Variants in UACA observed in about 807,000 individuals in gnomAD.
UACA encodes the protein uveal autoantigen with coiled-coil domains and ankyrin repeats, also known as nuclear membrane binding protein.
In UACA, 112 loss-of-function variants were observed where a neutral mutation model predicts 160.5. That is an observed-to-expected ratio of 0.70 (90% CI 0.60 to 0.82). UACA has a LOEUF of 0.82. UACA is among the 40% of genes least tolerant of loss of function. The pLI is 0.00. For missense variants in UACA, 1,574 were observed against 1,614.6 expected (o/e 0.97, Z 0.43); for synonymous variants, 557 against 568.4 (o/e 0.98, Z 0.29).
At chr15:70,775,098 A>G in the UACA span, among the ~76,000 whole-genome samples, 2 of 152,130 alleles carry the variant, frequency 1.3e-5, 1 homozygote, top group East Asian at 3.8e-4. Flanking sequence ...TTCAGACAGA[A>G]AGTCCCAACT....
Position 70,682,792 on chromosome 15 carries a change from C to CT in UACA, c.787dup (p.Arg263LysfsTer21). ...AGATGGCCCTTTCTTCCAAAGTTCT[C>CT]TCCCTAAGATTTAGAGAAAAAGAGA... On this transcript the variant is annotated frameshift_variant, in exon 9 of 19. Coordinates refer to ENST00000322954, the MANE Select transcript of UACA (RefSeq NM_018003.4). LOFTEE classifies it high-confidence loss of function. The CT allele has an allele frequency of 1.3e-6, 2 of 1,564,534 alleles. No individual in the cohort carries two copies. The highest frequency in any genetic ancestry group is 1.7e-6 in the Non-Finnish European group (2 of 1,157,360).
At chr15:70,766,629 T>A (rs1338019219), upstream of UACA, among the ~76,000 whole-genome samples, 1 of 152,184 alleles carries the variant, frequency 6.6e-6, no homozygotes, top group East Asian at 1.9e-4. Context: ...CTGGATTAGA[T>A]AACAAATGTG....
In UACA at chr15:70,664,800, A is replaced by C; in HGVS notation, c.3975T>G (p.Leu1325=). 6.2e-7 allele frequency: 1 copy of C among 1,612,210 alleles called. No individual in the cohort carries two copies. Among genetic ancestry groups the C allele is most frequent in the East Asian group, 2.2e-5 (1 of 44,826 alleles). Reference sequence around the variant, plus strand: ...CCTGTTTTAATCTTTCCACATCATTAAGCAGTTCAGTTATCTTTAAAAAAA... The same window carrying C: ...CCTGTTTTAATCTTTCCACATCATTCAGCAGTTCAGTTATCTTTAAAAAAA... ...EAKDNKITEL[L]NDVERLKQAL... Residue 1325 remains leucine, a synonymous_variant, in exon 17 of 19, where the codon CTT becomes CTG. Transcript: ENST00000322954.
chr15:70,673,556 T>C (rs1178888168), intron 13 of UACA, among the ~76,000 whole-genome samples: 1 of 152,180 alleles, frequency 6.6e-6, no homozygotes, highest in Non-Finnish European at 1.5e-5. Flanking sequence ...AACTACTAAA[T>C]GGCCTCATAC....
intron 17 of UACA, among the ~76,000 whole-genome samples, chr15:70,663,639 A>G (rs1294592385): frequency 1.3e-5 from 2 of 152,100 alleles, no homozygotes; most frequent in East Asian, 3.8e-4. Context: ...ACAATGATAG[A>G]CTGGATTAAG....
chr15:70,699,742 A>G (rs1471132839), intron 1 of UACA, 82 bp from the exon 2 acceptor site: 1 of 1,492,868 alleles, frequency 6.7e-7, no homozygotes, highest in East Asian at 2.3e-5. Context: ...GAGAGAAAGG[A>G]AAGCAGTACT....
chr15:70,697,170 A>C (rs1898159598), intron 2 of UACA, among the ~76,000 whole-genome samples: 1 of 152,260 alleles, frequency 6.6e-6, no homozygotes. Context: ...AAAGCTGCAA[A>C]AAATATGAGA....
intron 1 of UACA, among the ~76,000 whole-genome samples, chr15:70,706,716 T>A (rs958197377): frequency 2.0e-5 from 3 of 152,034 alleles, no homozygotes; most frequent in Non-Finnish European, 4.4e-5. Context: ...TCAAAAATAA[T>A]AAAATACTTA....
chr15:70,703,477 G>A (rs1376308782), intron 1 of UACA, among the ~76,000 whole-genome samples: 1 of 152,038 alleles, frequency 6.6e-6, no homozygotes, highest in Non-Finnish European at 1.5e-5. Context: ...AACAATGATT[G>A]TTTTTTCCCC....
Position 70,684,317 on chromosome 15 carries a change from G to A in UACA, c.732C>T (p.Asp244=). The A allele has an allele frequency of 6.2e-7, 1 of 1,613,696 alleles. No homozygotes were observed. The highest frequency in any genetic ancestry group is 1.3e-5 in the African/African-American group (1 of 75,024). ...TCAACAAGGTTAGAATGTCCAGATT[G>A]TCACCAATTCTTGCATAGTAAGAAC... ...HDSSYYARIG[D]NLDILTLLKT... The change falls in exon 8 of 19, where the codon GAC becomes GAT. Residue 244 remains aspartate (D), a synonymous_variant. Coordinates refer to ENST00000322954, the MANE Select transcript of UACA (RefSeq NM_018003.4).
chr15:70,678,063 A>C (rs760858522), intron 11 of UACA, 36 bp downstream of exon 11: 2 of 1,437,448 alleles, frequency 1.4e-6, no homozygotes, highest in Non-Finnish European at 9.5e-7. Flanking sequence ...TGATATAGTA[A>C]GACAGTTTAT....
At chr15:70,739,260 A>C (rs920849906) in intron 1 of UACA, among the ~76,000 whole-genome samples, 1 of 152,196 alleles carries the variant, frequency 6.6e-6, no homozygotes, top group Non-Finnish European at 1.5e-5. Context: ...TCTTGGCACT[A>C]CTGACATTTT....
At chr15:70,694,923 T>C (rs1454586687) in intron 3 of UACA, 94 bp downstream of exon 3, 2 of 1,017,774 alleles carry the variant, frequency 2.0e-6, no homozygotes, top group Non-Finnish European at 3.0e-6. Flanking sequence ...GACATCTCTC[T>C]TTATATCACA....
intron 1 of UACA, chr15:70,758,137 G>T (rs2030538910): frequency 6.6e-6 from 1 of 152,080 alleles, no homozygotes; most frequent in African/African-American, 2.4e-5. Context: ...ATCACCTAAA[G>T]TTCCTGGACT....
At chr15:70,745,074 C>T (rs1899660128) in intron 1 of UACA, among the ~76,000 whole-genome samples, 1 of 152,136 alleles carries the variant, frequency 6.6e-6, no homozygotes, top group African/African-American at 2.4e-5. Context: ...AGGAATACAA[C>T]TTACAAGGGA....
At position 70,678,863 on chromosome 15, in the gene UACA, ATACTT is replaced by A. The variant is rs1316852219; in HGVS notation, c.892-662_892-658del. ...TTATTTTTCTCAATCAAAATAGAAAATACTTTAAGAAAAAAATCAGATTTAATTTA... is the reference window on the plus strand; with the variant it reads ...TTATTTTTCTCAATCAAAATAGAAAATAAGAAAAAAATCAGATTTAATTTA... On this transcript the variant is annotated intron_variant, in intron 10 of 18. Transcript: ENST00000322954. 3.9e-5 allele frequency among the ~76,000 whole-genome samples: 6 copies of A among 152,304 alleles called. No individual in the cohort carries two copies. In the East Asian group the frequency reaches 1.2e-3, roughly 29 times the overall value.
chr15:70,742,608 A>G (rs1264377855), intron 1 of UACA, among the ~76,000 whole-genome samples: 1 of 152,168 alleles, frequency 6.6e-6, no homozygotes, highest in Non-Finnish European at 1.5e-5. Context: ...TATAAAAAGG[A>G]GTATCATAAC....
chr15:70,741,959 C>T (rs1005549177), intron 1 of UACA, among the ~76,000 whole-genome samples: 1 of 151,608 alleles, frequency 6.6e-6, no homozygotes, highest in Non-Finnish European at 1.5e-5. Flanking sequence ...CATCACCACA[C>T]CCAAAAGTGT....
In UACA at chr15:70,668,213, T is replaced by A; in HGVS notation, c.2471A>T (p.Lys824Met). 1 of 1,612,250 alleles carries A rather than the reference T, an allele frequency of 6.2e-7. No homozygotes were observed. Among genetic ancestry groups the A allele is most frequent in the South Asian group, 1.1e-5 (1 of 90,324 alleles). Residue 824 changes from lysine to methionine, a missense_variant, in exon 16 of 19, where the codon AAG becomes ATG. Lys to Met is a moderately conservative substitution (Grantham distance 95). Coordinates refer to ENST00000322954, the MANE Select transcript of UACA (RefSeq NM_018003.4). Reference sequence around the variant, plus strand: ...TTTCTTAAGTTCAGACAGCTGTTTCTTAAGTTCAACAATATTGGATTTCAG... The same window carrying A: ...TTTCTTAAGTTCAGACAGCTGTTTCATAAGTTCAACAATATTGGATTTCAG... Reference protein sequence around the residue: ...IALKSNIVELKKQLSELKKKC... With the variant: ...IALKSNIVELMKQLSELKKKC...
Sources: allele counts gnomAD v4.1 joint callset (sites outside exome capture counted in the v4.1 genomes callset), GRCh38; gene constraint gnomAD v4.1.1; transcripts MANE v1.5; gene names NCBI Gene and HGNC (gene_info 2026-07-23, HGNC 2026-07-21).